Variants in FLT1 observed in about 807,000 individuals in gnomAD.
FLT1 encodes the protein vascular endothelial growth factor receptor 1.
Under a neutral mutation model 156.3 loss-of-function variants are expected in FLT1, and 49 were observed. That is an observed-to-expected ratio of 0.31 (90% CI 0.25 to 0.40). The LOEUF (loss-of-function observed/expected upper bound fraction) is 0.40, where lower values mean the gene tolerates loss of function less well. Among genes scored for constraint, FLT1 ranks in the 10% least tolerant of loss-of-function variants. FLT1 has a pLI of 1.00. For synonymous variants in FLT1, 594 were observed against 583.8 expected (o/e 1.02, Z -0.25); for missense variants, 1,322 against 1,637.2 (o/e 0.81, Z 3.32).
intron 7 of FLT1, among the ~76,000 whole-genome samples, chr13:28,430,860 A>C (rs1033875565): frequency 6.6e-6 from 1 of 152,230 alleles, no homozygotes; most frequent in African/African-American, 2.4e-5. Flanking sequence ...TATACAGAAC[A>C]CTAAGAATTT....
rs1208724245 is a variant in FLT1, at chr13:28,495,033, C to G, written c.-190G>C. The stretch of plus-strand genomic sequence containing the variant: ...CCAGGCGCCCGCTGGCCGCTGCACC[C>G]GAGCCCCGGAGCCCGCTCCGAGCCG... On this transcript the variant is annotated 5_prime_UTR_variant, in exon 1 of 30. Transcript: ENST00000282397. The surrounding 1 kb of genome is among the most constrained non-coding windows in gnomAD (Gnocchi z 4.1). 1.2e-5 allele frequency: 6 copies of G among 492,682 alleles called. No individual in the cohort carries two copies. The highest frequency in any genetic ancestry group is 8.8e-5 in the Admixed American group (2 of 22,782). 30.5% of individuals were successfully genotyped at this position (492,682 alleles called of 1,614,324 possible).
At chr13:28,456,594 G>A (rs990056113) in intron 3 of FLT1, among the ~76,000 whole-genome samples, 2 of 151,992 alleles carry the variant, frequency 1.3e-5, no homozygotes, top group East Asian at 1.9e-4. Context: ...TCAGGAGCTC[G>A]AGACCAGCCT....
At chr13:28,422,418 T>C (rs1221703513) in intron 10 of FLT1, among the ~76,000 whole-genome samples, 1 of 152,242 alleles carries the variant, frequency 6.6e-6, no homozygotes, top group Non-Finnish European at 1.5e-5. Context: ...GATAATTATA[T>C]AGGGAGAGAG....
At chr13:28,456,773 G>A (rs1226311695) in intron 3 of FLT1, among the ~76,000 whole-genome samples, 1 of 150,930 alleles carries the variant, frequency 6.6e-6, no homozygotes, top group Non-Finnish European at 1.5e-5. Flanking sequence ...TCCAGCCTGG[G>A]CAACAGGATG....
At chr13:28,312,608 G>A (rs537863163) in intron 25 of FLT1, among the ~76,000 whole-genome samples, 1 of 152,190 alleles carries the variant, frequency 6.6e-6, no homozygotes, top group Non-Finnish European at 1.5e-5. Flanking sequence ...GGTTTGAGCT[G>A]GCTTCTTAAA....
intron 16 of FLT1, among the ~76,000 whole-genome samples, chr13:28,343,277 C>T (rs1872416230): frequency 1.3e-5 from 2 of 151,862 alleles, no homozygotes; most frequent in Non-Finnish European, 2.9e-5. Flanking sequence ...GCCACTGCGC[C>T]CGGCTGCCAT....
chr13:28,323,041 AG>A, intron 20 of FLT1, 95 bp from the exon 21 acceptor site: 2 of 1,328,140 alleles, frequency 1.5e-6, no homozygotes, highest in Non-Finnish European at 2.2e-6. Context: ...ATGAGAAATG[AG>A]AGCGTTTCAC....
At position 28,300,396 on chromosome 13, in the gene FLT1, C is replaced by T. The variant is rs1870454939; in HGVS notation, c.*2771G>A. The stretch of plus-strand genomic sequence containing the variant: ...AAGATGGTATACAAAATACATTCAT[C>T]ATGACTAGAAATATAGGACCAAACC... On this transcript the variant is annotated 3_prime_UTR_variant, in exon 30 of 30. Coordinates refer to ENST00000282397, the MANE Select transcript of FLT1 (RefSeq NM_002019.4). 1 of 233,188 alleles carries T rather than the reference C, an allele frequency of 4.3e-6. No homozygotes were observed. The highest frequency in any genetic ancestry group is 8.5e-6 in the Non-Finnish European group (1 of 118,056). 14.4% of individuals were successfully genotyped at this position (233,188 alleles called of 1,614,324 possible).
chr13:28,334,792 C>T (rs1202307531), intron 17 of FLT1, among the ~76,000 whole-genome samples: 2 of 152,150 alleles, frequency 1.3e-5, no homozygotes, highest in African/African-American at 4.8e-5. Flanking sequence ...AGCAAGGTTC[C>T]TTTCATGGTC....
intron 14 of FLT1, 101 bp downstream of exon 14, chr13:28,384,784 G>C: frequency 1.8e-6 from 2 of 1,117,460 alleles, no homozygotes; most frequent in Non-Finnish European, 2.7e-6. Flanking sequence ...CTATCAGCAA[G>C]TAGGTCTATA....
intron 1 of FLT1, among the ~76,000 whole-genome samples, chr13:28,469,041 C>T (rs560637684): frequency 4.5e-4 from 68 of 152,264 alleles, no homozygotes; most frequent in African/African-American, 1.6e-3. Context: ...TCTCTCTTCT[C>T]CTTCTCCCTC....
intron 3 of FLT1, among the ~76,000 whole-genome samples, chr13:28,452,482 C>G (rs1022132155): frequency 5.9e-5 from 9 of 152,218 alleles, no homozygotes; most frequent in African/African-American, 2.2e-4. Flanking sequence ...AGGAAAGGTC[C>G]TGAGGCCTCA....
chr13:28,363,059 A>G (rs1873167659), intron 14 of FLT1, among the ~76,000 whole-genome samples: 1 of 150,884 alleles, frequency 6.6e-6, no homozygotes, highest in Non-Finnish European at 1.5e-5. Flanking sequence ...ATTTGTCTCC[A>G]TTCTTCAGAT....
chr13:28,484,714 C>T (rs12861726), intron 1 of FLT1, among the ~76,000 whole-genome samples: 90,109 of 151,870 alleles, frequency 0.59, 27,220 homozygotes, highest in South Asian at 0.68. Flanking sequence ...ATGCTTTTTC[C>T]TTCTCCTCTT....
At chr13:28,312,503 C>T (rs1362709167) in intron 25 of FLT1, among the ~76,000 whole-genome samples, 1 of 151,386 alleles carries the variant, frequency 6.6e-6, no homozygotes, top group Non-Finnish European at 1.5e-5. Flanking sequence ...GGACGATGTC[C>T]TTAAAGTTAA....
chr13:28,420,662 A>G lies in FLT1; in HGVS notation c.1436+6497T>C, dbSNP rs535780627. Among the ~76,000 whole-genome samples, 6 of 152,336 alleles carry G rather than the reference A, an allele frequency of 3.9e-5. No individual in the cohort carries two copies. In the East Asian group the frequency reaches 1.2e-3, roughly 29 times the overall value. On this transcript the variant is annotated intron_variant, in intron 10 of 29. Coordinates refer to ENST00000282397, the MANE Select transcript of FLT1 (RefSeq NM_002019.4). ...TTTCATTGTGTAGGTGGAAAATAAA[A>G]TATGGGACATAAAACTGTTACAGCA...
At chr13:28,449,396 A>G (rs1286525272) in intron 3 of FLT1, among the ~76,000 whole-genome samples, 2 of 152,234 alleles carry the variant, frequency 1.3e-5, no homozygotes, top group African/African-American at 4.8e-5. Flanking sequence ...TATAGTCCAC[A>G]TGGAATGCGC....
In FLT1 at chr13:28,345,505, G is replaced by C. The variant is rs55728991; in HGVS notation, c.2295C>G (p.Thr765=). ...SNLELITLTC[T]CVAATLFWLL... is the part of the protein sequence containing the mutation. ...GCCAGAAGAGAGTCGCAGCCACACA[G>C]GTGCATGTTAGAGTGATCAGCTCCA... The change falls in exon 16 of 30, where the codon ACC becomes ACG. Residue 765 remains threonine, a synonymous_variant. Transcript: ENST00000282397. 1 of 1,613,368 alleles carries C rather than the reference G, an allele frequency of 6.2e-7. No homozygotes were observed. Among genetic ancestry groups the C allele is most frequent in the Non-Finnish European group, 8.5e-7 (1 of 1,179,558 alleles).
chr13:28,445,443 C>T (rs1235510485), intron 3 of FLT1, among the ~76,000 whole-genome samples: 1 of 152,048 alleles, frequency 6.6e-6, no homozygotes, highest in African/African-American at 2.4e-5. Context: ...CCACTGCACT[C>T]CAGCCTGGGT....
Sources: gnomAD v4.1 joint callset for allele counts (sites outside exome capture counted in the v4.1 genomes callset) on GRCh38, gnomAD v4.1.1 for gene constraint, Gnocchi (gnomAD v3.1) non-coding constraint, MANE v1.5 for transcripts, NCBI Gene and HGNC (gene_info 2026-07-23, HGNC 2026-07-21) for gene names.